Variants in CACNA2D1 observed in about 807,000 individuals in gnomAD.
CACNA2D1 encodes the protein calcium voltage-gated channel auxiliary subunit alpha2delta 1.
In CACNA2D1, 53 loss-of-function variants were observed where a neutral mutation model predicts 171.5. The observed-to-expected ratio is 0.31, with a 90% confidence interval of 0.25 to 0.39. The LOEUF is 0.39. CACNA2D1 is among the 10% of genes least tolerant of loss of function. The pLI, the probability that CACNA2D1 is intolerant of heterozygous loss-of-function variation, is 1.00. For synonymous variants in CACNA2D1, 442 were observed against 443.1 expected (o/e 1.00, Z 0.03); for missense variants, 903 against 1,299.8 (o/e 0.69, Z 4.69).
At chr7:81,999,638 GGTT>G in intron 18 of CACNA2D1, among the ~76,000 whole-genome samples, 1 of 152,148 alleles carries the variant, frequency 6.6e-6, no homozygotes, top group South Asian at 2.1e-4. Context: ...ACCATTTTCA[GGTT>G]GTTTATTTTT....
rs1449487115 is a variant in CACNA2D1 at position 82,240,153 on chromosome 7, C to T, written c.295-69544G>A. ...TCCTTGACTTTGGAGTCATACACAC[C>T]CACGTTTAAACCCCATCCCTGGCAC... is the stretch of plus-strand genomic sequence containing the variant. On this transcript the variant is annotated intron_variant, in intron 3 of 38. Coordinates refer to ENST00000356860, the MANE Select transcript of CACNA2D1 (RefSeq NM_000722.4). Among the ~76,000 whole-genome samples the T allele has an allele frequency of 2.0e-5, 3 of 152,032 alleles. No homozygotes were observed. The South Asian group carries it at 6.2e-4, about 32-fold the overall frequency.
intron 6 of CACNA2D1, among the ~76,000 whole-genome samples, chr7:82,102,714 C>T (rs1035407476): frequency 6.6e-6 from 1 of 152,058 alleles, no homozygotes; most frequent in Non-Finnish European, 1.5e-5. Flanking sequence ...TCCAGAGGGC[C>T]CTGTGCTGGC....
At chr7:82,360,188 A>T (rs1199369347) in intron 1 of CACNA2D1, among the ~76,000 whole-genome samples, 1 of 152,196 alleles carries the variant, frequency 6.6e-6, no homozygotes, top group Non-Finnish European at 1.5e-5. Flanking sequence ...ACTTGGAGAT[A>T]CCTCTTGTTT....
intron 1 of CACNA2D1, among the ~76,000 whole-genome samples, chr7:82,404,610 G>T (rs1826814905): frequency 6.6e-6 from 1 of 152,150 alleles, no homozygotes; most frequent in South Asian, 2.1e-4. Flanking sequence ...ATGCATTAAA[G>T]AATTTTGTTT....
chr7:81,983,493 A>G (rs1376296690), intron 22 of CACNA2D1, among the ~76,000 whole-genome samples, 159 bp from the exon 23 acceptor site: 3 of 152,190 alleles, frequency 2.0e-5, no homozygotes, highest in East Asian at 3.8e-4. Flanking sequence ...CTGAGGAAAA[A>G]AAAGACATAT....
At chr7:82,426,984 T>C (rs566680868) in intron 1 of CACNA2D1, among the ~76,000 whole-genome samples, 38 of 152,310 alleles carry the variant, frequency 2.5e-4, no homozygotes, top group African/African-American at 8.7e-4. Context: ...TAATCACCTT[T>C]CTGTGCCTAA....
chr7:82,130,155 A>C (rs1275510744), intron 5 of CACNA2D1, among the ~76,000 whole-genome samples: 1 of 152,212 alleles, frequency 6.6e-6, no homozygotes, highest in African/African-American at 2.4e-5. Flanking sequence ...AGAAAGTTTG[A>C]GTGATTACAA....
chr7:81,961,310 A>C (rs189193805), intron 36 of CACNA2D1, among the ~76,000 whole-genome samples: 277 of 152,150 alleles, frequency 1.8e-3, no homozygotes, highest in African/African-American at 6.3e-3. Flanking sequence ...TTTTTAAAAG[A>C]TATTTTATGG....
chr7:82,146,983 C>CAAAAAAAAAAA (rs764990586), intron 4 of CACNA2D1, among the ~76,000 whole-genome samples: 1 of 25,502 alleles, frequency 3.9e-5, no homozygotes, highest in Non-Finnish European at 6.1e-5. Flanking sequence ...ACTCCCATCT[C>CAAAAAAAAAAA]AAAAAAAAAA....
At chr7:82,374,014 G>A (rs1822725871) in intron 1 of CACNA2D1, among the ~76,000 whole-genome samples, 1 of 152,224 alleles carries the variant, frequency 6.6e-6, no homozygotes, top group Admixed American at 6.5e-5. Flanking sequence ...CCCATGGGAA[G>A]GCTTCCTTCT....
chr7:82,363,254 C>CTTTTATTTTTTTTTTTTTTTTTT (rs1821288639), intron 1 of CACNA2D1, among the ~76,000 whole-genome samples: 1 of 63,420 alleles, frequency 1.6e-5, no homozygotes, highest in African/African-American at 8.4e-5. Context: ...TTATTTGTCT[C>CTTTTATTTTTTTTTTTTTTTTTT]TTTTTTTTTT....
chr7:82,106,736 C>T (rs1019063470), intron 6 of CACNA2D1, among the ~76,000 whole-genome samples: 1 of 151,998 alleles, frequency 6.6e-6, no homozygotes, highest in Non-Finnish European at 1.5e-5. Flanking sequence ...TACTTGAGCT[C>T]CTTCTTAAGA....
At chr7:82,428,453 C>T (rs1829392417) in intron 1 of CACNA2D1, among the ~76,000 whole-genome samples, 1 of 152,164 alleles carries the variant, frequency 6.6e-6, no homozygotes, top group African/African-American at 2.4e-5. Flanking sequence ...CCCTTTCCCA[C>T]TCCCATTCCA....
intron 7 of CACNA2D1, among the ~76,000 whole-genome samples, chr7:82,081,474 C>G (rs912055811): frequency 2.6e-5 from 4 of 152,116 alleles, no homozygotes; most frequent in South Asian, 4.1e-4. Flanking sequence ...GTAACAGATT[C>G]ACTAAACTAA....
intron 36 of CACNA2D1, 111 bp from the exon 37 acceptor site, chr7:81,959,940 C>G (rs969696407): frequency 6.8e-7 from 1 of 1,472,832 alleles, no homozygotes; most frequent in Admixed American, 2.0e-5. Context: ...ACATCTGAAA[C>G]AGAAACCATT....
chr7:82,225,735 G>C (rs1802291824), intron 3 of CACNA2D1, among the ~76,000 whole-genome samples: 1 of 152,174 alleles, frequency 6.6e-6, no homozygotes, highest in East Asian at 1.9e-4. Flanking sequence ...TTAGATGGCA[G>C]TCTTAAAGTT....
intron 4 of CACNA2D1, among the ~76,000 whole-genome samples, chr7:82,168,066 A>G (rs1008449673): frequency 6.6e-6 from 1 of 152,104 alleles, no homozygotes; most frequent in African/African-American, 2.4e-5. Flanking sequence ...ACATTTCAAG[A>G]TAATTTTTTT....
At chr7:82,266,162 G>A (rs1251936016) in intron 3 of CACNA2D1, among the ~76,000 whole-genome samples, 1 of 152,080 alleles carries the variant, frequency 6.6e-6, no homozygotes, top group Non-Finnish European at 1.5e-5. Flanking sequence ...CAATTTGGAA[G>A]ATGAAAGAGA....
intron 6 of CACNA2D1, among the ~76,000 whole-genome samples, chr7:82,095,685 A>G (rs115223466): frequency 6.6e-6 from 1 of 152,194 alleles, no homozygotes; most frequent in Admixed American, 6.5e-5. Flanking sequence ...TGAATGAAAG[A>G]GTGTGTGAAT....
Sources: gnomAD v4.1 joint callset for allele counts (sites outside exome capture counted in the v4.1 genomes callset) on GRCh38, gnomAD v4.1.1 for gene constraint, MANE v1.5 for transcripts, NCBI Gene and HGNC (gene_info 2026-07-23, HGNC 2026-07-21) for gene names.